RIT2: variants seen among roughly 807,000 people sequenced by gnomAD.
RIT2 encodes the protein Ras like without CAAX 2, also known as GTP-binding protein Rit2.
RIT2 carries 24 observed loss-of-function variants against 23.7 expected under a neutral mutation model. The observed-to-expected ratio is 1.01, with a 90% CI of 0.73 to 1.43. RIT2 has a LOEUF of 1.43. Among genes scored for constraint, RIT2 ranks in the 40% most tolerant of loss-of-function variants. The pLI, the probability that RIT2 is intolerant of heterozygous loss-of-function variation, is 0.00. For missense variants in RIT2, 236 were observed against 266.9 expected (o/e 0.88, Z 0.81); for synonymous variants, 107 against 91.1 (o/e 1.17, Z -0.99).
intron 3 of RIT2, among the ~76,000 whole-genome samples, chr18:42,933,401 C>A (rs1909375637): frequency 1.3e-5 from 2 of 152,136 alleles, no homozygotes; most frequent in African/African-American, 2.4e-5. Context: ...ACATTTGTAA[C>A]CTTGTGAAAT....
intron 1 of RIT2, among the ~76,000 whole-genome samples, chr18:43,054,836 G>A (rs771694807): frequency 1.4e-4 from 21 of 151,986 alleles, no homozygotes; most frequent in African/African-American, 4.6e-4. Context: ...CTCCCATGAC[G>A]CATTCATAAA....
chr18:42,895,675 T>A (rs921314159), intron 4 of RIT2, among the ~76,000 whole-genome samples: 6 of 152,108 alleles, frequency 3.9e-5, no homozygotes, highest in Non-Finnish European at 8.8e-5. Flanking sequence ...ACTGGATTAT[T>A]GTCCAGGATT....
chr18:42,770,546 G>A (rs1913526794), intron 4 of RIT2, among the ~76,000 whole-genome samples: 1 of 152,182 alleles, frequency 6.6e-6, no homozygotes, highest in Non-Finnish European at 1.5e-5. Context: ...ACAAACAGTA[G>A]CATCTAGATT....
At chr18:42,991,892 G>C (rs1372427371) in intron 2 of RIT2, among the ~76,000 whole-genome samples, 1 of 152,068 alleles carries the variant, frequency 6.6e-6, no homozygotes, top group Non-Finnish European at 1.5e-5. Flanking sequence ...CCTGCGGCCA[G>C]GTGATTAAAA....
intron 4 of RIT2, among the ~76,000 whole-genome samples, chr18:42,847,216 G>T (rs1317878281): frequency 2.0e-5 from 3 of 152,114 alleles, no homozygotes; most frequent in Non-Finnish European, 4.4e-5. Context: ...AAAGAAAAAT[G>T]TGGTATAAAA....
At position 42,818,081 on chromosome 18, in the gene RIT2, T is replaced by C. The variant is rs187723969; in HGVS notation, c.427-74361A>G. Among the ~76,000 whole-genome samples, 8 of 152,098 alleles carry C rather than the reference T, an allele frequency of 5.3e-5. No individual in the cohort carries two copies. The East Asian group carries it at 1.5e-3, about 29-fold the overall frequency. ...TAAGATGAATTTTTATTAAAAAGAG[T>C]AATCATGTCTACTAATAAAACATCT... On this transcript the variant is annotated intron_variant, in intron 4 of 4. Transcript: ENST00000326695.
chr18:42,950,263 A>T (rs181353413), intron 3 of RIT2, among the ~76,000 whole-genome samples: 4 of 152,178 alleles, frequency 2.6e-5, no homozygotes, highest in African/African-American at 9.6e-5. Flanking sequence ...CACCTACACC[A>T]TCTGATCTTC....
intron 2 of RIT2, among the ~76,000 whole-genome samples, chr18:43,028,428 C>G (rs1911781055): frequency 1.3e-5 from 2 of 152,050 alleles, no homozygotes; most frequent in African/African-American, 4.8e-5. Flanking sequence ...GTGGTTGGTG[C>G]ATAGCAAGCA....
chr18:42,769,682 C>T (rs985396959), intron 4 of RIT2, among the ~76,000 whole-genome samples: 1 of 151,708 alleles, frequency 6.6e-6, no homozygotes, highest in Non-Finnish European at 1.5e-5. Flanking sequence ...ACTCAGAGGG[C>T]CACTCTATCT....
chr18:42,910,554 G>A (rs919003001), intron 4 of RIT2, among the ~76,000 whole-genome samples: 11 of 152,174 alleles, frequency 7.2e-5, no homozygotes, highest in Admixed American at 2.0e-4. Flanking sequence ...CAGACCCCAG[G>A]CTCCAAGAGC....
At chr18:42,912,586 A>T (rs2144120531) in intron 4 of RIT2, among the ~76,000 whole-genome samples, 1 of 152,124 alleles carries the variant, frequency 6.6e-6, no homozygotes, top group Non-Finnish European at 1.5e-5. Flanking sequence ...AGGTTAAAAA[A>T]TACTACATGA....
chr18:42,822,035 G>A (rs1906167251), intron 4 of RIT2, among the ~76,000 whole-genome samples: 1 of 152,104 alleles, frequency 6.6e-6, no homozygotes, highest in African/African-American at 2.4e-5. Context: ...TAGTCTGGAT[G>A]TGTATGCCCT....
chr18:42,747,410 C>T (rs1392694915), intron 4 of RIT2, among the ~76,000 whole-genome samples: 1 of 152,016 alleles, frequency 6.6e-6, no homozygotes. Context: ...ACGACACAAA[C>T]AAATGAAAAC....
chr18:42,756,927 TA>T (rs1414154592), intron 4 of RIT2, among the ~76,000 whole-genome samples: 2 of 151,894 alleles, frequency 1.3e-5, no homozygotes, highest in Non-Finnish European at 2.9e-5. Flanking sequence ...TTGTAACACA[TA>T]AAACAATTAT....
intron 2 of RIT2, among the ~76,000 whole-genome samples, chr18:43,013,139 G>A (rs974551951): frequency 4.6e-5 from 7 of 151,752 alleles, no homozygotes; most frequent in Non-Finnish European, 7.4e-5. Context: ...AGGCACAGTT[G>A]AGTCATATTT....
At chr18:42,747,055 A>G (rs1335713294) in intron 4 of RIT2, among the ~76,000 whole-genome samples, 2 of 152,108 alleles carry the variant, frequency 1.3e-5, no homozygotes, top group Non-Finnish European at 2.9e-5. Context: ...TAGGCAGAAC[A>G]ATCAGACAAG....
chr18:42,848,369 G>T (rs1906964278), intron 4 of RIT2, among the ~76,000 whole-genome samples: 1 of 152,096 alleles, frequency 6.6e-6, no homozygotes, highest in Non-Finnish European at 1.5e-5. Context: ...AGCCTAAGTG[G>T]TCTTTCTCAA....
At chr18:42,856,571 G>A (rs1031097012) in intron 4 of RIT2, among the ~76,000 whole-genome samples, 6 of 152,126 alleles carry the variant, frequency 3.9e-5, no homozygotes, top group African/African-American at 1.4e-4. Flanking sequence ...AGAAGGCCAA[G>A]GGGAACTATG....
At chr18:42,892,081 C>T (rs898200252) in intron 4 of RIT2, among the ~76,000 whole-genome samples, 28 of 152,060 alleles carry the variant, frequency 1.8e-4, no homozygotes, top group African/African-American at 6.3e-4. Flanking sequence ...AAAGCCTATT[C>T]ACCACGACAA....
Sources: gnomAD v4.1 joint callset for allele counts (sites outside exome capture counted in the v4.1 genomes callset) on GRCh38, gnomAD v4.1.1 for gene constraint, MANE v1.5 for transcripts, NCBI Gene and HGNC (gene_info 2026-07-23, HGNC 2026-07-21) for gene names.